Variants in PRR5L observed in about 807,000 individuals in gnomAD.
PRR5L encodes proline-rich protein 5-like.
PRR5L carries 21 observed loss-of-function variants against 36.4 expected under a neutral mutation model. That is an observed-to-expected ratio of 0.58 (90% CI 0.41 to 0.83). The LOEUF is 0.83. Among genes scored for constraint, PRR5L ranks in the 40% least tolerant of loss-of-function variants. The pLI is 0.00. For synonymous variants in PRR5L, 188 were observed against 197.0 expected, an observed-to-expected ratio of 0.95 and a Z score of 0.38; for missense variants, 381 against 473.3, an observed-to-expected ratio of 0.80 and a Z score of 1.81.
intron 1 of PRR5L, among the ~76,000 whole-genome samples, chr11:36,300,115 A>G (rs781780041): frequency 2.0e-5 from 3 of 152,152 alleles, no homozygotes; most frequent in Non-Finnish European, 2.9e-5. Flanking sequence ...GTAGAAATGC[A>G]TAAAAGCAAT....
chr11:36,311,906 A>G (rs2133455944), intron 1 of PRR5L, among the ~76,000 whole-genome samples: 1 of 152,334 alleles, frequency 6.6e-6, no homozygotes, highest in South Asian at 2.1e-4. Context: ...ATATTAATAC[A>G]TTATGGTAAA....
Position 36,462,415 on chromosome 11 carries a change from GC to G in PRR5L, c.788del (p.Pro263HisfsTer2). 6.3e-7 allele frequency: 1 copy of G among 1,579,674 alleles called. No homozygotes were observed. Among genetic ancestry groups the G allele is most frequent in the South Asian group, 1.2e-5 (1 of 86,068 alleles). ...CCTCCCCGATAACCGCAGTCAGCCG[GC>G]CACTGAATGAGATGGTCTTGACCCC... ...YASPITAVSR[P>X]LNEMVLTPLT... is the part of the protein sequence containing the mutation. On this transcript the variant is annotated frameshift_variant, in exon 9 of 9. Transcript: ENST00000530639. LOFTEE classifies it high-confidence loss of function.
chr11:36,458,322 G>C lies in PRR5L; in HGVS notation c.713-4020G>C, dbSNP rs573960652. ...GGGCACTGCCATCTAGAACCCAAGAGAAACGGGGCTGAGCCTCAGTCTTCC... is the reference window on the plus strand; with the variant it reads ...GGGCACTGCCATCTAGAACCCAAGACAAACGGGGCTGAGCCTCAGTCTTCC... On this transcript the variant is annotated intron_variant, in intron 8 of 8. Transcript: ENST00000530639. Among the ~76,000 whole-genome samples the C allele has an allele frequency of 5.9e-5, 9 of 152,346 alleles. No homozygotes were observed. The South Asian group carries it at 1.9e-3, about 32-fold the overall frequency.
Position 36,355,670 on chromosome 11 carries a change from C to T in PRR5L, c.-125-45327C>T, listed in dbSNP as rs182253220. 4.1e-3 allele frequency among the ~76,000 whole-genome samples: 630 copies of T among 152,034 alleles called. 1 individual carries two copies. Among genetic ancestry groups the T allele is most frequent in the Non-Finnish European group, 6.7e-3 (453 of 67,986 alleles). ...GTTCAAGTGATTCTCCAGCCTCAGC[C>T]TCCCAAGTAGCTGGGATTATAGGTG... On this transcript the variant is annotated intron_variant, in intron 1 of 8. Transcript: ENST00000530639.
chr11:36,431,739 C>A, intron 4 of PRR5L, 114 bp from the exon 5 acceptor site: 1 of 924,736 alleles, frequency 1.1e-6, no homozygotes, highest in Non-Finnish European at 1.7e-6. Context: ...CGAGGCACGG[C>A]TAGAACACAA....
intron 1 of PRR5L, among the ~76,000 whole-genome samples, chr11:36,328,342 G>T (rs1856685576): frequency 6.6e-6 from 1 of 152,152 alleles, no homozygotes. Context: ...AATGTTGGAG[G>T]TGGGGCCTGG....
At chr11:36,404,555 T>G (rs1857870970) in intron 3 of PRR5L, among the ~76,000 whole-genome samples, 1 of 152,126 alleles carries the variant, frequency 6.6e-6, no homozygotes. Context: ...CGTGAGCCAC[T>G]GTGCCTGGCC....
intron 8 of PRR5L, among the ~76,000 whole-genome samples, 184 bp from the exon 9 acceptor site, chr11:36,462,158 A>G (rs1280936682): frequency 6.6e-6 from 1 of 152,192 alleles, no homozygotes; most frequent in Admixed American, 6.5e-5. Context: ...TGGCATAAAC[A>G]GGTAAAGTTG....
intron 7 of PRR5L, among the ~76,000 whole-genome samples, chr11:36,448,928 A>G: frequency 6.6e-6 from 1 of 152,092 alleles, no homozygotes; most frequent in African/African-American, 2.4e-5. Flanking sequence ...TCCTACCTCC[A>G]CTTAGCCTTT....
chr11:36,355,743 A>G (rs924702465), intron 1 of PRR5L, among the ~76,000 whole-genome samples: 9 of 150,666 alleles, frequency 6.0e-5, no homozygotes, highest in African/African-American at 2.2e-4. Context: ...TTAATTTTTT[A>G]GTAGAAATAG....
At chr11:36,373,474 G>C (rs1278694755) in intron 1 of PRR5L, among the ~76,000 whole-genome samples, 1 of 151,898 alleles carries the variant, frequency 6.6e-6, no homozygotes, top group Non-Finnish European at 1.5e-5. Context: ...TGGCGTGGTG[G>C]CTGTGATCCC....
intron 1 of PRR5L, chr11:36,376,329 A>AG: frequency 1.2e-6 from 1 of 864,360 alleles, no homozygotes; most frequent in Non-Finnish European, 1.4e-6. Flanking sequence ...GAGGGGGAGA[A>AG]GGGGGAGGAG....
intron 4 of PRR5L, among the ~76,000 whole-genome samples, chr11:36,428,578 A>C (rs1858430530): frequency 6.6e-6 from 1 of 152,164 alleles, no homozygotes; most frequent in Admixed American, 6.6e-5. Flanking sequence ...GGGCTTGGCT[A>C]ACTCAAAAGA....
chr11:36,422,596 A>G (rs765418175), intron 4 of PRR5L, among the ~76,000 whole-genome samples: 1 of 152,104 alleles, frequency 6.6e-6, no homozygotes, highest in Non-Finnish European at 1.5e-5. Context: ...TTTGAAAGCG[A>G]ACATTCTCAT....
chr11:36,339,369 C>A (rs1018478729), intron 1 of PRR5L, among the ~76,000 whole-genome samples: 2 of 152,194 alleles, frequency 1.3e-5, no homozygotes, highest in Non-Finnish European at 2.9e-5. Flanking sequence ...GCTGGGATTA[C>A]CGGAGTGAGC....
At chr11:36,389,735 C>A (rs970497748) in intron 1 of PRR5L, among the ~76,000 whole-genome samples, 1 of 151,994 alleles carries the variant, frequency 6.6e-6, no homozygotes, top group Non-Finnish European at 1.5e-5. Context: ...GCCTCAGCCC[C>A]CTGAGTAGCT....
intron 3 of PRR5L, among the ~76,000 whole-genome samples, chr11:36,404,028 T>A (rs1197548354): frequency 6.6e-6 from 1 of 152,220 alleles, no homozygotes; most frequent in Non-Finnish European, 1.5e-5. Context: ...GCTGCTGTGA[T>A]CTGAAACATC....
At chr11:36,322,134 T>G (rs529936295) in intron 1 of PRR5L, among the ~76,000 whole-genome samples, 5 of 152,272 alleles carry the variant, frequency 3.3e-5, no homozygotes, top group African/African-American at 1.2e-4. Context: ...TTTGTACATA[T>G]CTATAATTCT....
chr11:36,308,618 G>A (rs1197873169), intron 1 of PRR5L, among the ~76,000 whole-genome samples: 1 of 152,150 alleles, frequency 6.6e-6, no homozygotes, highest in African/African-American at 2.4e-5. Context: ...TCCCTTCGTG[G>A]GAATCACAAT....
Sources: gnomAD v4.1 joint callset for allele counts (sites outside exome capture counted in the v4.1 genomes callset) on GRCh38, gnomAD v4.1.1 for gene constraint, MANE v1.5 for transcripts, NCBI Gene and HGNC (gene_info 2026-07-23, HGNC 2026-07-21) for gene names.